The following ELP4 variants were observed in gnomAD, a reference collection of about 807,000 sequenced individuals.
ELP4 encodes the protein elongator acetyltransferase complex subunit 4, also known as elongator complex protein 4.
Under a neutral mutation model 48.9 loss-of-function variants are expected in ELP4, and 51 were observed. That is an observed-to-expected ratio of 1.04 (90% confidence interval 0.83 to 1.32). The LOEUF (loss-of-function observed/expected upper bound fraction) is 1.32. Ranked by LOEUF, ELP4 falls within the 40% of genes most tolerant of loss-of-function variation. ELP4 has a pLI of 0.00. For missense variants in ELP4, 519 were observed against 514.6 expected (o/e 1.01, Z -0.08); for synonymous variants, 210 against 189.2 (o/e 1.11, Z -0.90).
chr11:31,616,973 G>A (rs1022832579), intron 5 of ELP4, among the ~76,000 whole-genome samples: 1 of 151,990 alleles, frequency 6.6e-6, no homozygotes, highest in Admixed American at 6.6e-5. Flanking sequence ...GAACCCTTGT[G>A]CACTATTTGG....
intron 9 of ELP4, among the ~76,000 whole-genome samples, chr11:31,780,201 G>A (rs1948340465): frequency 6.6e-6 from 1 of 151,962 alleles, no homozygotes; most frequent in Non-Finnish European, 1.5e-5. Context: ...AGACAGATCT[G>A]GGATACAGCA....
chr11:31,659,565 A>T (rs772799349), intron 9 of ELP4, among the ~76,000 whole-genome samples: 9 of 152,176 alleles, frequency 5.9e-5, no homozygotes, highest in Non-Finnish European at 1.2e-4. Context: ...CTCAATATAA[A>T]TGATATTTGG....
chr11:31,592,482 GTA>G (rs1240787868), intron 3 of ELP4, among the ~76,000 whole-genome samples: 1 of 149,852 alleles, frequency 6.7e-6, no homozygotes, highest in African/African-American at 2.4e-5. Flanking sequence ...GTGTGTGTGT[GTA>G]TATATATATG....
At chr11:31,575,675 A>G (rs1412969069) in intron 3 of ELP4, among the ~76,000 whole-genome samples, 2 of 152,240 alleles carry the variant, frequency 1.3e-5, no homozygotes, top group African/African-American at 4.8e-5. Flanking sequence ...CCAGAATTTC[A>G]TATCCAGCCA....
At position 31,706,161 on chromosome 11, in the gene ELP4, A is replaced by T. The variant is rs1302019951; in HGVS notation, c.1143+55940A>T. ...ATAATTGTACATATTCATAGGGCAC[A>T]TAGTAATGTTTTGATGCATTTAATA... is the stretch of plus-strand genomic sequence containing the variant. On this transcript the variant is annotated intron_variant, in intron 9 of 9. Coordinates refer to ENST00000640961, the MANE Select transcript of ELP4 (RefSeq NM_019040.5). 5.9e-5 allele frequency among the ~76,000 whole-genome samples: 9 copies of T among 152,244 alleles called. No homozygotes were observed. In the East Asian group the frequency reaches 1.7e-3, roughly 29 times the overall value.
At chr11:31,535,887 G>T (rs780329362) in intron 2 of ELP4, among the ~76,000 whole-genome samples, 3 of 151,996 alleles carry the variant, frequency 2.0e-5, no homozygotes, top group Non-Finnish European at 4.4e-5. Context: ...TTAGCATAAT[G>T]TTTTTTGAGA....
chr11:31,609,731 A>C (rs188192829), intron 5 of ELP4, among the ~76,000 whole-genome samples: 1 of 152,150 alleles, frequency 6.6e-6, no homozygotes, highest in Non-Finnish European at 1.5e-5. Flanking sequence ...TATATTCAAA[A>C]GTCTAAATAT....
intron 3 of ELP4, among the ~76,000 whole-genome samples, chr11:31,579,933 AAAAT>A (rs1957359475): frequency 6.6e-6 from 1 of 152,156 alleles, no homozygotes; most frequent in Non-Finnish European, 1.5e-5. Flanking sequence ...TTAAAGTATA[AAAAT>A]AAATAAATAA....
chr11:31,656,261 T>A (rs1033998600), intron 9 of ELP4, among the ~76,000 whole-genome samples: 14 of 151,984 alleles, frequency 9.2e-5, no homozygotes, highest in Non-Finnish European at 1.9e-4. Flanking sequence ...TCCAAATGAT[T>A]GAAACTGCCA....
At chr11:31,522,761 A>G (rs1208421169) in intron 2 of ELP4, among the ~76,000 whole-genome samples, 1 of 152,170 alleles carries the variant, frequency 6.6e-6, no homozygotes. Flanking sequence ...CAATTATATC[A>G]GTTCACCCTA....
At chr11:31,582,134 C>G (rs1266458970) in intron 3 of ELP4, among the ~76,000 whole-genome samples, 1 of 152,158 alleles carries the variant, frequency 6.6e-6, no homozygotes, top group Non-Finnish European at 1.5e-5. Flanking sequence ...AACTCAAGTC[C>G]TGGGTCTGCT....
chr11:31,528,660 CAGAA>C (rs1442176613), intron 2 of ELP4, among the ~76,000 whole-genome samples: 3 of 151,962 alleles, frequency 2.0e-5, no homozygotes, highest in Non-Finnish European at 4.4e-5. Flanking sequence ...GAAGGAGAGA[CAGAA>C]AGTAGGATGA....
intron 9 of ELP4, among the ~76,000 whole-genome samples, chr11:31,753,790 T>C (rs139217406): frequency 6.6e-5 from 10 of 152,332 alleles, no homozygotes; most frequent in African/African-American, 2.4e-4. Context: ...ATTTTAAACA[T>C]GTAAAATAAC....
chr11:31,609,404 A>T (rs1957933614), intron 5 of ELP4, among the ~76,000 whole-genome samples: 1 of 152,138 alleles, frequency 6.6e-6, no homozygotes, highest in Admixed American at 6.5e-5. Context: ...GCAGACTGAG[A>T]GATAAAATGG....
At chr11:31,510,052 G>A in intron 1 of ELP4, 45 bp downstream of exon 1, 1 of 1,575,376 alleles carries the variant, frequency 6.3e-7, no homozygotes, top group East Asian at 2.3e-5. Context: ...GGGAAACTTA[G>A]GGAGGGGACC....
At chr11:31,624,041 T>C (rs1370280193) in intron 5 of ELP4, among the ~76,000 whole-genome samples, 2 of 151,750 alleles carry the variant, frequency 1.3e-5, no homozygotes, top group Non-Finnish European at 3.0e-5. Flanking sequence ...GAATGACTGT[T>C]ATCAAAAAGA....
chr11:31,776,476 A>G (rs544730271), intron 9 of ELP4, among the ~76,000 whole-genome samples: 79 of 152,274 alleles, frequency 5.2e-4, no homozygotes, highest in African/African-American at 1.9e-3. Context: ...GTGCCTCACT[A>G]ATATTTAGAA....
At chr11:31,761,014 T>G (rs1947934123) in intron 9 of ELP4, among the ~76,000 whole-genome samples, 1 of 152,218 alleles carries the variant, frequency 6.6e-6, no homozygotes. Context: ...GGAATTAAAC[T>G]ATATGCTGTG....
chr11:31,588,606 A>C (rs919851405), intron 3 of ELP4, among the ~76,000 whole-genome samples: 1 of 152,208 alleles, frequency 6.6e-6, no homozygotes, highest in African/African-American at 2.4e-5. Context: ...TATTTTTTAA[A>C]AATTCCAGGA....
Sources: allele counts gnomAD v4.1 joint callset (sites outside exome capture counted in the v4.1 genomes callset), GRCh38; gene constraint gnomAD v4.1.1; transcripts MANE v1.5; gene names NCBI Gene and HGNC (gene_info 2026-07-23, HGNC 2026-07-21).